CAMSAP2: variants seen among roughly 807,000 people sequenced by gnomAD.
CAMSAP2 encodes the protein calmodulin-regulated spectrin-associated protein 2.
In CAMSAP2, 26 loss-of-function variants were observed where a neutral mutation model predicts 146.1. The ratio of observed to expected loss-of-function variants is 0.18; its 90% CI spans 0.13 to 0.25. CAMSAP2 has a LOEUF of 0.25. Among genes scored for constraint, CAMSAP2 ranks in the 10% least tolerant of loss-of-function variants. The pLI, the probability that CAMSAP2 is intolerant of heterozygous loss-of-function variation, is 1.00. For synonymous variants in CAMSAP2, 499 were observed against 596.6 expected (o/e 0.84, Z 2.38); for missense variants, 1,381 against 1,759.3 (o/e 0.78, Z 3.85).
In CAMSAP2 at chr1:200,807,439, G is replaced by A. The variant is rs753983351; in HGVS notation, c.463G>A (p.Glu155Lys). The A allele has an allele frequency of 6.5e-7, 1 of 1,529,678 alleles. No individual in the cohort carries two copies. The highest frequency in any genetic ancestry group is 1.8e-5 in the Admixed American group (1 of 57,022). The allele number at this position is 1,529,678 out of a possible 1,614,324, so 94.8% of individuals were successfully genotyped here. ...TTATACTGTAGAAATGGTCAGTATAGAAAAAGTAATTGCGTGTGCTCAGCA... is the reference window on the plus strand; with the variant it reads ...TTATACTGTAGAAATGGTCAGTATAAAAAAAGTAATTGCGTGTGCTCAGCA... ...MAYTVEMVSIEKVIACAQQYS... is the reference protein window; with the variant it reads ...MAYTVEMVSIKKVIACAQQYS... Residue 155 changes from glutamate to lysine, a missense_variant, in exon 3 of 17, where the codon GAA (glutamate) becomes AAA (lysine). Physicochemically the swap from Glu to Lys is moderately conservative, Grantham distance 56. Coordinates refer to ENST00000358823, the MANE Select transcript of CAMSAP2 (RefSeq NM_203459.4).
intron 2 of CAMSAP2, among the ~76,000 whole-genome samples, chr1:200,797,498 G>A (rs1292420776): frequency 2.3e-4 from 28 of 124,388 alleles, no homozygotes; most frequent in African/African-American, 7.2e-4. Flanking sequence ...CATGTCCTTC[G>A]CCCACTTTTT....
At chr1:200,751,535 C>CAAAAA (rs35294926) in intron 1 of CAMSAP2, among the ~76,000 whole-genome samples, 38 of 41,562 alleles carry the variant, frequency 9.1e-4, no homozygotes, top group African/African-American at 1.6e-3. Context: ...GACTCCATCT[C>CAAAAA]AAAAAAAAAA....
chr1:200,766,618 T>A (rs906141701), intron 2 of CAMSAP2, among the ~76,000 whole-genome samples: 4 of 152,244 alleles, frequency 2.6e-5, no homozygotes, highest in African/African-American at 9.6e-5. Context: ...AAGGCAGGAT[T>A]CTGAACATCT....
chr1:200,824,304 T>G (rs1256581554), intron 4 of CAMSAP2, among the ~76,000 whole-genome samples: 1 of 152,058 alleles, frequency 6.6e-6, no homozygotes, highest in Non-Finnish European at 1.5e-5. Context: ...CATTTTGTAG[T>G]TTCCTTGCCA....
chr1:200,801,708 A>G (rs1352296101), intron 2 of CAMSAP2, among the ~76,000 whole-genome samples: 2 of 152,044 alleles, frequency 1.3e-5, no homozygotes, highest in Admixed American at 6.6e-5. Context: ...TATCCTTTCT[A>G]AATTATCTGA....
chr1:200,832,624 T>C lies in CAMSAP2; in HGVS notation c.788-82T>C. 1 of 1,162,738 alleles carries C rather than the reference T, an allele frequency of 8.6e-7. No individual in the cohort carries two copies. Among genetic ancestry groups the C allele is most frequent in the Non-Finnish European group, 1.2e-6 (1 of 836,384 alleles). The allele number at this position is 1,162,738 out of a possible 1,614,324, so 72.0% of individuals were successfully genotyped here. On this transcript the variant is annotated intron_variant, in intron 5 of 16. Coordinates refer to ENST00000358823, the MANE Select transcript of CAMSAP2 (RefSeq NM_203459.4). The surrounding 1 kb of genome is among the most constrained non-coding windows in gnomAD (Gnocchi z 4.2). ...ATGTTTGTTAACCAGAATTGTGTAT[T>C]TGTACTAATTACAAGATGGATATGA... is the stretch of plus-strand genomic sequence containing the variant.
intron 1 of CAMSAP2, among the ~76,000 whole-genome samples, chr1:200,744,086 T>A (rs1664253993): frequency 6.6e-6 from 1 of 152,212 alleles, no homozygotes; most frequent in South Asian, 2.1e-4. Context: ...AGGTTACTTA[T>A]TCCAATTTTA....
intron 2 of CAMSAP2, among the ~76,000 whole-genome samples, chr1:200,802,614 C>T (rs1021307555): frequency 6.6e-6 from 1 of 151,976 alleles, no homozygotes; most frequent in East Asian, 1.9e-4. Flanking sequence ...TACCTGTGGG[C>T]GTACTTGGGC....
intron 4 of CAMSAP2, among the ~76,000 whole-genome samples, chr1:200,817,074 GTGTATACACACACACGTATATA>G (rs1193961611): frequency 1.5e-5 from 2 of 137,696 alleles, no homozygotes; most frequent in Non-Finnish European, 1.6e-5. Context: ...ACGTATATAT[GTGTATACACACACACGTATATA>G]TGTATACACA....
rs1667064443 is a variant in CAMSAP2 at position 200,832,321 on chromosome 1, C to G, written c.767C>G (p.Pro256Arg). The change falls in exon 5 of 17, where the codon CCT becomes CGT. Residue 256 changes from proline to arginine, a missense_variant. By Grantham distance (103) the Pro-to-Arg change is moderately radical. This residue lies in a region of CAMSAP2 where 284 missense variants were observed against 406.9 expected (regional missense o/e 0.70). Transcript: ENST00000358823. The surrounding 1 kb of genome is among the most constrained non-coding windows in gnomAD (Gnocchi z 4.2). Reference protein sequence around the residue: ...ALAALIHFYCPDVVRLEDICL... With the variant: ...ALAALIHFYCRDVVRLEDICL... ...GCTGCCCTTATTCATTTTTACTGTC[C>G]TGATGTTGTCAGATTAGAGGGTAAG... 1 of 1,611,356 alleles carries G rather than the reference C, an allele frequency of 6.2e-7. No homozygotes were observed. The highest frequency in any genetic ancestry group is 1.7e-5 in the Admixed American group (1 of 59,474).
At chr1:200,816,497 G>A (rs1416355645) in intron 4 of CAMSAP2, among the ~76,000 whole-genome samples, 3 of 148,588 alleles carry the variant, frequency 2.0e-5, no homozygotes, top group African/African-American at 7.5e-5. Flanking sequence ...GGGAGACAGA[G>A]GCAGGAGAAT....
Position 200,848,630 on chromosome 1 carries a change from G to C in CAMSAP2, c.1861G>C (p.Glu621Gln). 1 of 1,614,124 alleles carries C rather than the reference G, an allele frequency of 6.2e-7. No individual in the cohort carries two copies. Among genetic ancestry groups the C allele is most frequent in the Non-Finnish European group, 8.5e-7 (1 of 1,179,998 alleles). ...GIHVPSEDIP[E>Q]TMDEDSSLRD... is the part of the protein sequence containing the mutation. ...TCACGTTCCTTCAGAAGATATTCCT[G>C]AAACTATGGACGAAGATTCTTCGTT... Residue 621 changes from glutamate (E) to glutamine (Q), a missense_variant, in exon 11 of 17, where the codon GAA becomes CAA. Glu to Gln is a conservative substitution (Grantham distance 29). Transcript: ENST00000358823.
At chr1:200,836,959 ATGT>A (rs1261462248) in intron 6 of CAMSAP2, among the ~76,000 whole-genome samples, 2 of 152,012 alleles carry the variant, frequency 1.3e-5, no homozygotes, top group African/African-American at 4.8e-5. Context: ...TCTTGTAAAT[ATGT>A]TTAAGTCCCT....
intron 8 of CAMSAP2, among the ~76,000 whole-genome samples, chr1:200,846,327 A>T (rs893236258): frequency 3.3e-5 from 5 of 152,178 alleles, no homozygotes; most frequent in African/African-American, 1.2e-4. Context: ...CAAAGATTAG[A>T]TTATTCCATA....
intron 10 of CAMSAP2, 129 bp downstream of exon 10, chr1:200,847,838 A>G (rs1423104925): frequency 1.1e-6 from 1 of 931,904 alleles, no homozygotes. Context: ...AAAAGGCAGT[A>G]TAGGCAGATG....
chr1:200,746,132 T>G (rs1261920629), intron 1 of CAMSAP2, among the ~76,000 whole-genome samples: 2 of 152,238 alleles, frequency 1.3e-5, no homozygotes, highest in Non-Finnish European at 2.9e-5. Flanking sequence ...TAAAAATGGT[T>G]AAAATAGTAA....
At chr1:200,787,666 A>G (rs1418659423) in intron 2 of CAMSAP2, among the ~76,000 whole-genome samples, 1 of 152,218 alleles carries the variant, frequency 6.6e-6, no homozygotes, top group African/African-American at 2.4e-5. Context: ...GCAGAGTTTG[A>G]TAGGACTGAC....
Position 200,807,440 on chromosome 1 carries a change from A to T in CAMSAP2, c.464A>T (p.Glu155Val). The T allele has an allele frequency of 1.2e-6, 2 of 1,613,058 alleles. No individual in the cohort carries two copies. Among genetic ancestry groups the T allele is most frequent in the Non-Finnish European group, 8.5e-7 (1 of 1,179,432 alleles). ...TATACTGTAGAAATGGTCAGTATAGAAAAAGTAATTGCGTGTGCTCAGCAG... is the reference window on the plus strand; with the variant it reads ...TATACTGTAGAAATGGTCAGTATAGTAAAAGTAATTGCGTGTGCTCAGCAG... ...MAYTVEMVSI[E>V]KVIACAQQYS... Residue 155 changes from glutamate to valine, a missense_variant, in exon 3 of 17, where the codon GAA becomes GTA. Glu to Val is a moderately radical substitution (Grantham distance 121, BLOSUM62 -2). Around this residue, in one of 4 missense-constraint regions of CAMSAP2, gnomAD observed 284 missense variants for 406.9 expected, o/e 0.70. Transcript: ENST00000358823.
chr1:200,796,246 T>G (rs1457498983), intron 2 of CAMSAP2, among the ~76,000 whole-genome samples: 1 of 152,190 alleles, frequency 6.6e-6, no homozygotes, highest in Non-Finnish European at 1.5e-5. Flanking sequence ...TGCTGTTCAA[T>G]AGTTAAACAA....
Sources: allele counts gnomAD v4.1 joint callset (sites outside exome capture counted in the v4.1 genomes callset), GRCh38; gene constraint gnomAD v4.1.1; regional missense constraint gnomAD v4.1.1; non-coding constraint Gnocchi (gnomAD v3.1); transcripts MANE v1.5; gene names NCBI Gene and HGNC (gene_info 2026-07-23, HGNC 2026-07-21).